The following CFAP77 variants were observed in gnomAD, a reference collection of about 807,000 sequenced individuals.
CFAP77 encodes the protein cilia- and flagella-associated protein 77.
Under a neutral mutation model 31.1 loss-of-function variants are expected in CFAP77, and 25 were observed. That is an observed-to-expected ratio of 0.80 (90% CI 0.59 to 1.12). The LOEUF is 1.12. Ranked by LOEUF, CFAP77 falls within the 50% of genes most tolerant of loss-of-function variation. The pLI, the probability that CFAP77 is intolerant of heterozygous loss-of-function variation, is 0.00. For synonymous variants in CFAP77, 151 were observed against 159.9 expected (o/e 0.94, Z 0.42); for missense variants, 377 against 397.3 (o/e 0.95, Z 0.44).
chr9:132,528,406 G>A (rs560148053), intron 3 of CFAP77, among the ~76,000 whole-genome samples: 1 of 145,576 alleles, frequency 6.9e-6, no homozygotes, highest in Admixed American at 6.8e-5. Flanking sequence ...AAAAACCCTA[G>A]AAGAAAACCT....
At chr9:132,523,521 T>C (rs771038804) in intron 3 of CFAP77, among the ~76,000 whole-genome samples, 5 of 152,244 alleles carry the variant, frequency 3.3e-5, no homozygotes, top group Non-Finnish European at 7.3e-5. Flanking sequence ...AGCCACTTCA[T>C]TCTTTTTGGC....
At chr9:132,457,317 C>CAT (rs1850936606) in intron 1 of CFAP77, among the ~76,000 whole-genome samples, 1 of 73,048 alleles carries the variant, frequency 1.4e-5, no homozygotes, top group Non-Finnish European at 2.8e-5. Context: ...GGTGGGGGGG[C>CAT]GGGGGGAGAA....
intron 5 of CFAP77, among the ~76,000 whole-genome samples, chr9:132,563,398 G>A (rs1829848681): frequency 6.6e-6 from 1 of 152,230 alleles, no homozygotes; most frequent in Non-Finnish European, 1.5e-5. Context: ...CATTGAAAGA[G>A]CTGCATGTGG....
Position 132,494,288 on chromosome 9 carries a change from T to A in CFAP77, c.196-4407T>A, listed in dbSNP as rs1287072482. On this transcript the variant is annotated intron_variant, in intron 1 of 5. Transcript: ENST00000393216. Reference sequence around the variant, plus strand: ...AGCTCCTTGATGTAGTGGGGTTGTCTGGTGCATTGTAGGATGCCTGGCAGC... The same window carrying A: ...AGCTCCTTGATGTAGTGGGGTTGTCAGGTGCATTGTAGGATGCCTGGCAGC... Among the ~76,000 whole-genome samples, 33 of 152,176 alleles carry A rather than the reference T, an allele frequency of 2.2e-4. 2 individuals carry two copies. The highest frequency in any genetic ancestry group is 2.2e-3 in the Admixed American group (33 of 15,276).
At chr9:132,441,231 AT>A (rs1238751449) in intron 1 of CFAP77, among the ~76,000 whole-genome samples, 1 of 152,102 alleles carries the variant, frequency 6.6e-6, no homozygotes, top group Admixed American at 6.5e-5. Context: ...TGGGCCAGAT[AT>A]TTTCATGCAA....
At chr9:132,426,067 C>T (rs775496639) in intron 1 of CFAP77, among the ~76,000 whole-genome samples, 78 of 152,320 alleles carry the variant, frequency 5.1e-4, no homozygotes, top group Admixed American at 1.6e-3. Flanking sequence ...GACCCCCGCC[C>T]GCCTCCCCGA....
intron 1 of CFAP77, among the ~76,000 whole-genome samples, chr9:132,484,742 G>A (rs1851509204): frequency 6.6e-6 from 1 of 151,296 alleles, no homozygotes; most frequent in African/African-American, 2.4e-5. Context: ...TTAAATTTTT[G>A]TGGGTACATA....
intron 3 of CFAP77, among the ~76,000 whole-genome samples, chr9:132,530,047 C>T (rs1852412045): frequency 6.6e-6 from 1 of 150,432 alleles, no homozygotes; most frequent in African/African-American, 2.4e-5. Context: ...CAGATGTTGA[C>T]TATTCTTTCA....
intron 1 of CFAP77, among the ~76,000 whole-genome samples, chr9:132,489,667 A>G (rs1226488387): frequency 6.6e-6 from 1 of 152,184 alleles, no homozygotes; most frequent in Non-Finnish European, 1.5e-5. Flanking sequence ...ATCCCTGTGC[A>G]GGGAGGGTGA....
chr9:132,475,489 G>C (rs529077983), intron 1 of CFAP77, among the ~76,000 whole-genome samples: 25 of 152,342 alleles, frequency 1.6e-4, no homozygotes, highest in African/African-American at 5.5e-4. Context: ...CCCACTTTGG[G>C]ACTGAGCCGA....
intron 1 of CFAP77, among the ~76,000 whole-genome samples, chr9:132,451,829 G>A (rs1850833176): frequency 6.7e-6 from 1 of 149,244 alleles, no homozygotes; most frequent in Non-Finnish European, 1.5e-5. Flanking sequence ...TTTCCAGAAG[G>A]AGTCTCACTC....
At chr9:132,412,446 A>C (rs746683968) in intron 1 of CFAP77, among the ~76,000 whole-genome samples, 1 of 152,246 alleles carries the variant, frequency 6.6e-6, no homozygotes, top group Non-Finnish European at 1.5e-5. Context: ...ATATAATATT[A>C]GAATATCTTA....
At position 132,517,250 on chromosome 9, in the gene CFAP77, G is replaced by A. The variant is rs559458831; in HGVS notation, c.524+17650G>A. Among the ~76,000 whole-genome samples, 9 of 152,296 alleles carry A rather than the reference G, an allele frequency of 5.9e-5. No homozygotes were observed. Among genetic ancestry groups the A allele is most frequent in the Middle Eastern group, 3.4e-3 (1 of 294 alleles). On this transcript the variant is annotated intron_variant, in intron 3 of 5. Transcript: ENST00000393216. This position sits in a 1 kb window ranked among gnomAD's most constrained non-coding sequence, Gnocchi z 4.7. Reference sequence around the variant, plus strand: ...TCCGCCCCTCCGTCCCTTCTCAGCTGCGAGGGTGCCAGCAACTCCCCGGCC... The same window carrying A: ...TCCGCCCCTCCGTCCCTTCTCAGCTACGAGGGTGCCAGCAACTCCCCGGCC...
rs546040353 is a variant in CFAP77, at chr9:132,452,554, T to C, written c.195+42088T>C. On this transcript the variant is annotated intron_variant, in intron 1 of 5. Transcript: ENST00000393216. The stretch of plus-strand genomic sequence containing the variant: ...AGAATTGGAGCATGATTTTCAAGTC[T>C]CTGAAGAAGGTGGCTTTTCTGTTTT... Among the ~76,000 whole-genome samples the C allele has an allele frequency of 1.8e-4, 28 of 152,300 alleles. No individual in the cohort carries two copies. In the South Asian group the frequency reaches 5.8e-3, roughly 32 times the overall value.
rs1851779236 is a variant in CFAP77, at chr9:132,498,348, C to T, written c.196-347C>T. On this transcript the variant is annotated intron_variant, in intron 1 of 5. Transcript: ENST00000393216. This position sits in a 1 kb window ranked among gnomAD's most constrained non-coding sequence, Gnocchi z 4.2. Reference sequence around the variant, plus strand: ...CCTCCTGAACTGGGTCCTGCATTTCCAGCTTGAGCCAGCCAGGTCTAGGCT... The same window carrying T: ...CCTCCTGAACTGGGTCCTGCATTTCTAGCTTGAGCCAGCCAGGTCTAGGCT... Among the ~76,000 whole-genome samples the T allele has an allele frequency of 6.6e-6, 1 of 152,176 alleles. No individual in the cohort carries two copies. The highest frequency in any genetic ancestry group is 2.4e-5 in the African/African-American group (1 of 41,420).
chr9:132,543,303 G>A (rs1441388460), intron 5 of CFAP77, among the ~76,000 whole-genome samples: 1 of 152,272 alleles, frequency 6.6e-6, no homozygotes, highest in African/African-American at 2.4e-5. Flanking sequence ...AAACATGGTG[G>A]ATGCTGCGGA....
intron 5 of CFAP77, among the ~76,000 whole-genome samples, chr9:132,562,195 T>C (rs1445664268): frequency 6.6e-6 from 1 of 152,194 alleles, no homozygotes; most frequent in Non-Finnish European, 1.5e-5. Context: ...TTCTAAACTG[T>C]GTGTGGCACG....
intron 3 of CFAP77, among the ~76,000 whole-genome samples, chr9:132,502,263 A>AT (rs1260740755): frequency 1.9e-3 from 201 of 103,508 alleles, no homozygotes; most frequent in African/African-American, 6.7e-3. Context: ...ATATATATAT[A>AT]TATTTTTTTT....
At chr9:132,454,829 G>A (rs1850885953) in intron 1 of CFAP77, among the ~76,000 whole-genome samples, 2 of 152,100 alleles carry the variant, frequency 1.3e-5, no homozygotes, top group Non-Finnish European at 2.9e-5. Flanking sequence ...GTAGACATGT[G>A]GACCTCAGGC....
Sources: gnomAD v4.1 joint callset for allele counts (sites outside exome capture counted in the v4.1 genomes callset) on GRCh38, gnomAD v4.1.1 for gene constraint, Gnocchi (gnomAD v3.1) non-coding constraint, MANE v1.5 for transcripts, NCBI Gene and HGNC (gene_info 2026-07-23, HGNC 2026-07-21) for gene names.